The following CCSER1 variants were observed in gnomAD, a reference collection of about 807,000 sequenced individuals.
CCSER1 encodes the protein serine-rich coiled-coil domain-containing protein 1.
A neutral mutation model predicts 82.0 loss-of-function variants in CCSER1; 41 were observed. The observed-to-expected ratio is 0.50, with a 90% confidence interval of 0.39 to 0.65. The LOEUF (loss-of-function observed/expected upper bound fraction) is 0.65. CCSER1 is among the 30% of genes least tolerant of loss of function. The probability of loss-of-function intolerance (pLI) is 0.00; values close to 1 mark genes in which losing one functional copy is unlikely to be tolerated. For missense variants in CCSER1, 1,119 were observed against 1,064.2 expected, an observed-to-expected ratio of 1.05 and a Z score of -0.72; for synonymous variants, 414 against 383.9, an observed-to-expected ratio of 1.08 and a Z score of -0.92.
chr4:90,898,269 C>CTT (rs70963094), intron 8 of CCSER1, among the ~76,000 whole-genome samples: 682 of 52,474 alleles, frequency 0.013, 194 homozygotes, highest in African/African-American at 0.045. Flanking sequence ...TTTAATCCAT[C>CTT]TTTTTTTTTT....
intron 10 of CCSER1, among the ~76,000 whole-genome samples, chr4:91,550,833 CGCAAA>C (rs1282787403): frequency 6.6e-5 from 10 of 152,058 alleles, no homozygotes; most frequent in African/African-American, 2.4e-4. Flanking sequence ...TCTGAATATG[CGCAAA>C]GCAAACTTCC....
At chr4:91,133,801 G>A (rs1728211351) in intron 10 of CCSER1, among the ~76,000 whole-genome samples, 1 of 152,088 alleles carries the variant, frequency 6.6e-6, no homozygotes. Context: ...GAAGTATTTT[G>A]TTTTATAAAG....
intron 10 of CCSER1, among the ~76,000 whole-genome samples, chr4:91,357,744 T>G (rs1039199895): frequency 2.0e-5 from 3 of 152,010 alleles, no homozygotes; most frequent in African/African-American, 7.2e-5. Context: ...TTCATGACTT[T>G]CGCCGACAAT....
At chr4:90,336,718 G>T (rs1425046749) in intron 3 of CCSER1, among the ~76,000 whole-genome samples, 4 of 152,168 alleles carry the variant, frequency 2.6e-5, no homozygotes, top group Admixed American at 2.0e-4. Context: ...CAAGAAAGTA[G>T]CAATCCTGGT....
chr4:90,500,236 T>C (rs1158143522), intron 5 of CCSER1, among the ~76,000 whole-genome samples: 4 of 152,164 alleles, frequency 2.6e-5, no homozygotes, highest in Non-Finnish European at 5.9e-5. Flanking sequence ...AGATAGTTGA[T>C]CTGTGTTTTG....
chr4:90,795,229 G>A (rs907963507), intron 7 of CCSER1, among the ~76,000 whole-genome samples: 1 of 151,244 alleles, frequency 6.6e-6, no homozygotes, highest in Non-Finnish European at 1.5e-5. Context: ...AGAGGTTGCA[G>A]TGAGCCGAGA....
chr4:90,898,990 G>T (rs952623087), intron 8 of CCSER1, among the ~76,000 whole-genome samples: 1 of 151,820 alleles, frequency 6.6e-6, no homozygotes, highest in African/African-American at 2.4e-5. Context: ...AAATGACATT[G>T]GTCATTTGAT....
chr4:91,477,083 A>G (rs1227336501), intron 10 of CCSER1, among the ~76,000 whole-genome samples: 3 of 151,768 alleles, frequency 2.0e-5, no homozygotes, highest in Non-Finnish European at 4.4e-5. Context: ...ACATCATGCT[A>G]AAAGGTTTCT....
chr4:90,471,315 C>T (rs1456067627), intron 5 of CCSER1, among the ~76,000 whole-genome samples: 2 of 151,826 alleles, frequency 1.3e-5, no homozygotes, highest in Non-Finnish European at 2.9e-5. Context: ...TGCACCTATA[C>T]TCCCAGATAC....
At chr4:91,540,280 G>T (rs1457099110) in intron 10 of CCSER1, among the ~76,000 whole-genome samples, 2 of 152,018 alleles carry the variant, frequency 1.3e-5, no homozygotes, top group African/African-American at 4.8e-5. Context: ...ACTTGGTCTT[G>T]TATATCCTAC....
chr4:91,083,077 T>C (rs1183898970), intron 9 of CCSER1, among the ~76,000 whole-genome samples: 3 of 152,242 alleles, frequency 2.0e-5, no homozygotes, highest in Admixed American at 2.0e-4. Context: ...ACTCAAAATA[T>C]TATAAATCAT....
chr4:91,134,421 CAAA>C (rs111247370), intron 10 of CCSER1, among the ~76,000 whole-genome samples: 1 of 141,068 alleles, frequency 7.1e-6, no homozygotes, highest in African/African-American at 2.6e-5. Flanking sequence ...ACCCTGTCTA[CAAA>C]AAAAAAACAA....
At chr4:90,831,599 A>G (rs923547744) in intron 8 of CCSER1, among the ~76,000 whole-genome samples, 1 of 152,196 alleles carries the variant, frequency 6.6e-6, no homozygotes, top group African/African-American at 2.4e-5. Context: ...AATGCCATCC[A>G]TCTGATGTAA....
At chr4:91,306,816 T>C (rs1377562511) in intron 10 of CCSER1, among the ~76,000 whole-genome samples, 2 of 152,070 alleles carry the variant, frequency 1.3e-5, no homozygotes, top group Non-Finnish European at 1.5e-5. Flanking sequence ...TTAGGTTAAC[T>C]GTTAAATCAA....
At chr4:90,904,891 A>G (rs13119903) in intron 8 of CCSER1, among the ~76,000 whole-genome samples, 70,263 of 151,678 alleles carry the variant, frequency 0.46, 16,533 homozygotes, top group African/African-American at 0.52. Flanking sequence ...TTTTCAGTTC[A>G]TCCTGCTTCT....
chr4:91,189,371 A>G (rs1375287700), intron 10 of CCSER1, among the ~76,000 whole-genome samples: 1 of 152,124 alleles, frequency 6.6e-6, no homozygotes, highest in Non-Finnish European at 1.5e-5. Flanking sequence ...ATGCTGGTGT[A>G]TTCATTCTTA....
At chr4:91,179,014 A>G (rs1296063969) in intron 10 of CCSER1, among the ~76,000 whole-genome samples, 1 of 152,194 alleles carries the variant, frequency 6.6e-6, no homozygotes, top group African/African-American at 2.4e-5. Flanking sequence ...AAAATCTCTC[A>G]GCATTTGCTT....
At chr4:90,326,936 T>A (rs557202642) in intron 3 of CCSER1, among the ~76,000 whole-genome samples, 19 of 152,348 alleles carry the variant, frequency 1.2e-4, no homozygotes, top group African/African-American at 4.3e-4. Flanking sequence ...TGGACATTTT[T>A]CAGGGAACCA....
rs7687141 is a variant in CCSER1, at chr4:90,769,511, A to G, written c.2010+45520A>G. On this transcript the variant is annotated intron_variant, in intron 7 of 10. Coordinates refer to ENST00000509176, the MANE Select transcript of CCSER1 (RefSeq NM_001145065.2). The stretch of plus-strand genomic sequence containing the variant: ...TGACCTTATTAAGTAACTTCCAGTA[A>G]TTGCATAATTGGACTTCAGAATTGT... 4.8e-3 allele frequency among the ~76,000 whole-genome samples: 734 copies of G among 152,296 alleles called. 7 individuals are homozygous for G. Among genetic ancestry groups the G allele is most frequent in the African/African-American group, 0.017 (696 of 41,576 alleles).
Sources: allele counts gnomAD v4.1 joint callset (sites outside exome capture counted in the v4.1 genomes callset), GRCh38; gene constraint gnomAD v4.1.1; transcripts MANE v1.5; gene names NCBI Gene and HGNC (gene_info 2026-07-23, HGNC 2026-07-21).